The following GRIA1 variants were observed in gnomAD, a reference collection of about 807,000 sequenced individuals.
The protein encoded by GRIA1 is glutamate ionotropic receptor AMPA type subunit 1.
GRIA1 carries 31 observed loss-of-function variants against 99.2 expected under a neutral mutation model. That is an observed-to-expected ratio of 0.31 (90% CI 0.23 to 0.42). GRIA1 has a LOEUF of 0.42. Among genes scored for constraint, GRIA1 ranks in the 10% least tolerant of loss-of-function variants. The pLI, the probability that GRIA1 is intolerant of heterozygous loss-of-function variation, is 1.00. For synonymous variants in GRIA1, 438 were observed against 432.4 expected (o/e 1.01, Z -0.16); for missense variants, 782 against 1,157.5 (o/e 0.68, Z 4.71).
At chr5:153,740,233 G>C (rs946487068) in intron 11 of GRIA1, among the ~76,000 whole-genome samples, 4 of 152,218 alleles carry the variant, frequency 2.6e-5, no homozygotes, top group African/African-American at 9.6e-5. Flanking sequence ...CTACCCTCCA[G>C]CTGCTTACAA....
chr5:153,654,420 T>C (rs1754788398), intron 4 of GRIA1, among the ~76,000 whole-genome samples: 1 of 152,162 alleles, frequency 6.6e-6, no homozygotes, highest in South Asian at 2.1e-4. Context: ...ATGTCTTTGC[T>C]GTTTTGTGTT....
intron 2 of GRIA1, among the ~76,000 whole-genome samples, chr5:153,592,406 C>T (rs1381022275): frequency 6.6e-6 from 1 of 151,704 alleles, no homozygotes; most frequent in African/African-American, 2.4e-5. Context: ...CTGTCTGTGC[C>T]GTGGTCTCTT....
At chr5:153,629,585 C>T (rs551459225) in intron 2 of GRIA1, among the ~76,000 whole-genome samples, 6 of 152,232 alleles carry the variant, frequency 3.9e-5, no homozygotes, top group South Asian at 4.1e-4. Context: ...GATTTGGAAG[C>T]GGTACTTGGG....
chr5:153,698,098 G>C lies in GRIA1; in HGVS notation c.1189G>C (p.Ala397Pro). 6.2e-7 allele frequency: 1 copy of C among 1,612,016 alleles called. No homozygotes were observed. Among genetic ancestry groups the C allele is most frequent in the Non-Finnish European group, 8.5e-7 (1 of 1,178,088 alleles). Residue 397 changes from alanine (A) to proline (P), a missense_variant, in exon 9 of 16, where the codon GCT becomes CCT. Coordinates refer to ENST00000285900, the MANE Select transcript of GRIA1 (RefSeq NM_000827.4). ...KFVPAATDAQ[A>P]GGDNSSVQNR... ...TGTCCCTGCAGCCACCGATGCCCAA[G>C]CTGGGGGCGATAATTCAAGTGTTCA...
At chr5:153,668,286 C>G (rs776076811) in intron 5 of GRIA1, among the ~76,000 whole-genome samples, 2 of 152,184 alleles carry the variant, frequency 1.3e-5, no homozygotes, top group Non-Finnish European at 2.9e-5. Context: ...TTGGTCTTCT[C>G]TCCAAAATCT....
chr5:153,648,332 G>A (rs1042323295), intron 3 of GRIA1, among the ~76,000 whole-genome samples: 2 of 152,150 alleles, frequency 1.3e-5, no homozygotes, highest in Admixed American at 6.5e-5. Context: ...GCAGCATAAT[G>A]TAGCTGGAGG....
At chr5:153,753,297 A>C (rs1762611072) in intron 11 of GRIA1, among the ~76,000 whole-genome samples, 2 of 152,222 alleles carry the variant, frequency 1.3e-5, no homozygotes, top group Admixed American at 1.3e-4. Context: ...ACAACAATGG[A>C]ATAAAAATCC....
chr5:153,655,442 A>G (rs1754869718), intron 4 of GRIA1, among the ~76,000 whole-genome samples: 1 of 152,214 alleles, frequency 6.6e-6, no homozygotes, highest in Non-Finnish European at 1.5e-5. Context: ...TCCCACCTAA[A>G]GAAGAATCTC....
intron 11 of GRIA1, among the ~76,000 whole-genome samples, chr5:153,720,467 A>G (rs72802696): frequency 0.013 from 1,995 of 152,318 alleles, 23 homozygotes; most frequent in South Asian, 0.024. Flanking sequence ...TGTCTTTTTG[A>G]GACTATGTAA....
chr5:153,799,618 C>T (rs943645207), intron 14 of GRIA1, among the ~76,000 whole-genome samples: 1 of 152,154 alleles, frequency 6.6e-6, no homozygotes, highest in African/African-American at 2.4e-5. Context: ...CCAGGTTCTC[C>T]CTTGATTCCA....
intron 14 of GRIA1, among the ~76,000 whole-genome samples, chr5:153,798,739 G>A (rs1765800716): frequency 6.6e-6 from 1 of 152,166 alleles, no homozygotes; most frequent in Non-Finnish European, 1.5e-5. Context: ...CCTAGGACTA[G>A]CTCAGACCTC....
At position 153,759,897 on chromosome 5, in the gene GRIA1, C is replaced by A. The variant is rs2035654513; in HGVS notation, c.1824-4537C>A. Among the ~76,000 whole-genome samples, 4 of 152,148 alleles carry A rather than the reference C, an allele frequency of 2.6e-5. No homozygotes were observed. In the South Asian group the frequency reaches 8.3e-4, roughly 32 times the overall value. On this transcript the variant is annotated intron_variant, in intron 11 of 15. Coordinates refer to ENST00000285900, the MANE Select transcript of GRIA1 (RefSeq NM_000827.4). ...GGATGCAAGAATGGTTCAACATATT[C>A]AAATCAATAAACATGATACATCCCA...
At chr5:153,500,286 A>G (rs1402100770) in intron 2 of GRIA1, among the ~76,000 whole-genome samples, 1 of 152,094 alleles carries the variant, frequency 6.6e-6, no homozygotes, top group African/African-American at 2.4e-5. Context: ...TCATTCATTC[A>G]TTCATCCGAA....
chr5:153,782,543 AAG>A (rs1180585051), intron 13 of GRIA1, among the ~76,000 whole-genome samples: 1 of 152,212 alleles, frequency 6.6e-6, no homozygotes, highest in Non-Finnish European at 1.5e-5. Flanking sequence ...GATCACATTT[AAG>A]AGAGAAGGAT....
chr5:153,551,877 A>C (rs1760175678), intron 2 of GRIA1, among the ~76,000 whole-genome samples: 1 of 152,196 alleles, frequency 6.6e-6, no homozygotes, highest in Non-Finnish European at 1.5e-5. Context: ...GATACATTGT[A>C]AAGTATGTGG....
At chr5:153,681,336 G>A (rs114786288) in intron 7 of GRIA1, among the ~76,000 whole-genome samples, 230 of 152,204 alleles carry the variant, frequency 1.5e-3, no homozygotes, top group African/African-American at 5.2e-3. Flanking sequence ...CAACGTCCAG[G>A]GTCATATTTT....
chr5:153,783,916 C>T (rs968689667), intron 13 of GRIA1, among the ~76,000 whole-genome samples: 1 of 152,180 alleles, frequency 6.6e-6, no homozygotes, highest in Non-Finnish European at 1.5e-5. Context: ...CAGAGAACAA[C>T]ACACATCAGA....
intron 2 of GRIA1, among the ~76,000 whole-genome samples, chr5:153,527,641 T>C (rs185723736): frequency 2.0e-5 from 3 of 152,262 alleles, no homozygotes; most frequent in East Asian, 1.9e-4. Flanking sequence ...AGAAGTCAAA[T>C]TGGTCTCTCT....
At chr5:153,695,579 T>C (rs1758037820) in intron 8 of GRIA1, among the ~76,000 whole-genome samples, 1 of 152,244 alleles carries the variant, frequency 6.6e-6, no homozygotes, top group South Asian at 2.1e-4. Context: ...GAGCAAATTC[T>C]GTGGTCTCTG....
Sources: gnomAD v4.1 joint callset for allele counts (sites outside exome capture counted in the v4.1 genomes callset) on GRCh38, gnomAD v4.1.1 for gene constraint, MANE v1.5 for transcripts, NCBI Gene and HGNC (gene_info 2026-07-23, HGNC 2026-07-21) for gene names.